DST: variants seen among roughly 807,000 people sequenced by gnomAD.
DST encodes the protein dystonin, also known as bullous pemphigoid antigen.
Under a neutral mutation model 875.2 loss-of-function variants are expected in DST, and 253 were observed. That is an observed-to-expected ratio of 0.29 (90% CI 0.26 to 0.32). DST has a LOEUF of 0.32. Ranked by LOEUF, DST falls within the 10% of genes least tolerant of loss-of-function variation. DST has a pLI of 1.00. For missense variants in DST, 8,287 were observed against 9,111.6 expected, an observed-to-expected ratio of 0.91 and a Z score of 3.68; for synonymous variants, 3,124 against 3,197.1, an observed-to-expected ratio of 0.98 and a Z score of 0.77.
Position 56,458,989 on chromosome 6 carries a change from G to A in DST, c.*16C>T. On this transcript the variant is annotated 3_prime_UTR_variant, in exon 104 of 104. Transcript: ENST00000680361. ...TAATAAATGCTCAAGGAAGGGCCTT[G>A]GTAGAACCAATTGCACTATCTCTTT... 3 of 1,582,016 alleles carry A rather than the reference G, an allele frequency of 1.9e-6. No individual in the cohort carries two copies. The highest frequency in any genetic ancestry group is 2.3e-5 in the South Asian group (2 of 85,886).
intron 16 of DST, 106 bp downstream of exon 16, chr6:56,642,304 G>T: frequency 1.1e-6 from 1 of 929,674 alleles, no homozygotes. Context: ...AGTTTCAGTG[G>T]AGAGTATTAC....
intron 3 of DST, among the ~76,000 whole-genome samples, chr6:56,860,013 T>C (rs1770169267): frequency 6.6e-6 from 1 of 152,200 alleles, no homozygotes; most frequent in Admixed American, 6.5e-5. Context: ...ACCATCATTG[T>C]AGATGCACTG....
intron 34 of DST, among the ~76,000 whole-genome samples, 165 bp downstream of exon 34, chr6:56,627,039 G>C (rs886549072): frequency 2.6e-5 from 4 of 152,126 alleles, no homozygotes; most frequent in African/African-American, 9.7e-5. Context: ...GAACTGGGGG[G>C]CTGTCATGTG....
chr6:56,692,923 G>C (rs1464756465), intron 9 of DST: 13 of 1,289,634 alleles, frequency 1.0e-5, no homozygotes, highest in Non-Finnish European at 1.1e-5. Context: ...CAGTCCCCTG[G>C]ATAAAGGAGC....
rs1403703583 is a variant in DST at position 56,603,873 on chromosome 6, A to C, written c.10755T>G (p.Ser3585=). The C allele has an allele frequency of 6.2e-7, 1 of 1,611,508 alleles. No individual in the cohort carries two copies. The highest frequency in any genetic ancestry group is 1.3e-5 in the African/African-American group (1 of 74,844). Reference sequence around the variant, plus strand: ...AGCTATCTCCAGAAGCCATCTCTTTAGACCCTGAAGTACATTCCAAATGGC... The same window carrying C: ...AGCTATCTCCAGAAGCCATCTCTTTCGACCCTGAAGTACATTCCAAATGGC... ...FPSHLECTSG[S]KEMASGDSST... is the part of the protein sequence containing the mutation. Residue 3585 remains serine (S), a synonymous_variant, in exon 40 of 104, where the codon TCT becomes TCG. Transcript: ENST00000680361.
chr6:56,768,871 C>T (rs1371852574), intron 4 of DST, among the ~76,000 whole-genome samples: 2 of 152,058 alleles, frequency 1.3e-5, no homozygotes, highest in Admixed American at 1.3e-4. Context: ...GAGATCAAGA[C>T]CATCCTGGCC....
intron 37 of DST, among the ~76,000 whole-genome samples, chr6:56,613,681 T>C (rs974473996): frequency 3.3e-5 from 5 of 152,304 alleles, no homozygotes; most frequent in East Asian, 1.9e-4. Flanking sequence ...TACTAAAATG[T>C]ACACCCCAAC....
chr6:56,882,874 T>C (rs1782873530), intron 3 of DST, among the ~76,000 whole-genome samples: 1 of 152,212 alleles, frequency 6.6e-6, no homozygotes, highest in Non-Finnish European at 1.5e-5. Context: ...TGCTTTTTTC[T>C]TTTCCCCCCC....
chr6:56,570,743 T>A (rs1355503881), intron 53 of DST, among the ~76,000 whole-genome samples: 1 of 152,196 alleles, frequency 6.6e-6, no homozygotes, highest in African/African-American at 2.4e-5. Context: ...ATAGGAGTAT[T>A]CAAGAAATCT....
chr6:56,567,977 A>G (rs1003854277), intron 55 of DST, among the ~76,000 whole-genome samples: 2 of 152,208 alleles, frequency 1.3e-5, no homozygotes, highest in Non-Finnish European at 2.9e-5. Context: ...CACATACTGC[A>G]TAATTGTTTT....
Position 56,476,472 on chromosome 6 carries a change from A to G in DST, c.21676-135T>C. 5.6e-6 allele frequency: 4 copies of G among 720,360 alleles called. No individual in the cohort carries two copies. The South Asian group carries it at 8.2e-5, about 15-fold the overall frequency. The allele number at this position is 720,360 out of a possible 1,614,324, so 44.6% of individuals were successfully genotyped here. A position where few individuals can be genotyped will look rare whatever the true frequency, so the allele number is the denominator to read the frequency against. On this transcript the variant is annotated intron_variant, in intron 91 of 103. Transcript: ENST00000680361. ...CCCATAATGCTTCTGGTCTTTTTAG[A>G]TTCCATTAGTGGCATCAAGATCTGG...
At chr6:56,867,596 C>A (rs535303306) in intron 3 of DST, among the ~76,000 whole-genome samples, 2 of 152,108 alleles carry the variant, frequency 1.3e-5, no homozygotes, top group Admixed American at 1.3e-4. Context: ...CCAAGGTGGG[C>A]GGATCACGAG....
intron 4 of DST, among the ~76,000 whole-genome samples, chr6:56,785,474 T>G (rs1052118721): frequency 2.0e-5 from 3 of 152,170 alleles, no homozygotes; most frequent in African/African-American, 4.8e-5. Context: ...ACTGCTGTGC[T>G]AGCAATCAGT....
rs369309255 is a variant in DST at position 56,544,671 on chromosome 6, C to G, written c.16608+7513G>C. ...TGACACAGTTCGGAAGTAAACAGTG[C>G]TATGGGAAAATATTCCCTAGTTAAT... On this transcript the variant is annotated intron_variant, in intron 61 of 103. Coordinates refer to ENST00000680361, the MANE Select transcript of DST (RefSeq NM_001374736.1). 7.4e-5 allele frequency among the ~76,000 whole-genome samples: 7 copies of G among 94,108 alleles called. No individual in the cohort carries two copies. In the South Asian group the frequency reaches 1.1e-3, roughly 15 times the overall value. 61.7% of individuals were successfully genotyped at this position (94,108 alleles called of 152,430 possible). A position where few individuals can be genotyped will look rare whatever the true frequency, so the allele number is the denominator to read the frequency against.
intron 36 of DST, among the ~76,000 whole-genome samples, chr6:56,622,523 C>T (rs376147951): frequency 1.2e-4 from 16 of 137,628 alleles, no homozygotes; most frequent in South Asian, 9.1e-4. Flanking sequence ...TGCAGTGAGC[C>T]GAGATCACGC....
intron 4 of DST, among the ~76,000 whole-genome samples, chr6:56,818,603 G>T (rs897851802): frequency 6.6e-6 from 1 of 152,004 alleles, no homozygotes; most frequent in African/African-American, 2.4e-5. Context: ...AATAATAATT[G>T]ATTTTCCTTT....
At position 56,616,556 on chromosome 6, in the gene DST, G is replaced by C. The variant is rs1168153800; in HGVS notation, c.4930-2072C>G. 2 of 1,614,148 alleles carry C rather than the reference G, an allele frequency of 1.2e-6. No individual in the cohort carries two copies. Among genetic ancestry groups the C allele is most frequent in the Non-Finnish European group, 8.5e-7 (1 of 1,180,026 alleles). Reference sequence around the variant, plus strand: ...AAATACACACATTCGCAGTAATTCTGAGTAATACAGAGCTTGCTTGTTATT... The same window carrying C: ...AAATACACACATTCGCAGTAATTCTCAGTAATACAGAGCTTGCTTGTTATT... On this transcript the variant is annotated intron_variant, in intron 36 of 103. Coordinates refer to ENST00000680361, the MANE Select transcript of DST (RefSeq NM_001374736.1).
intron 31 of DST, 116 bp downstream of exon 31, chr6:56,630,129 G>A (rs2098765867): frequency 5.1e-6 from 4 of 789,400 alleles, no homozygotes; most frequent in Admixed American, 2.1e-5. Flanking sequence ...AGACACAAAT[G>A]GAATAAATCC....
chr6:56,625,818 T>C (rs1378562399), intron 34 of DST, among the ~76,000 whole-genome samples: 1 of 151,856 alleles, frequency 6.6e-6, no homozygotes, highest in Non-Finnish European at 1.5e-5. Context: ...ATTGTTATCA[T>C]AGGAGAAGAC....
Sources: gnomAD v4.1 joint callset for allele counts (sites outside exome capture counted in the v4.1 genomes callset) on GRCh38, gnomAD v4.1.1 for gene constraint, MANE v1.5 for transcripts, NCBI Gene and HGNC (gene_info 2026-07-23, HGNC 2026-07-21) for gene names.